The following VWDE variants were observed in gnomAD, a reference collection of about 807,000 sequenced individuals.
The protein encoded by VWDE is von Willebrand factor D and EGF domains, also known as von Willebrand factor D and EGF domain-containing protein.
In VWDE, 207 loss-of-function variants were observed where a neutral mutation model predicts 178.4. That is an observed-to-expected ratio of 1.16 (90% CI 1.04 to 1.30). VWDE has a LOEUF of 1.30. Ranked by LOEUF, VWDE falls within the 50% of genes most tolerant of loss-of-function variation. The pLI, the probability that VWDE is intolerant of heterozygous loss-of-function variation, is 0.00. For synonymous variants in VWDE, 738 were observed against 651.4 expected (o/e 1.13, Z -2.02); for missense variants, 2,287 against 1,901.3 (o/e 1.20, Z -3.77).
intron 28 of VWDE, among the ~76,000 whole-genome samples, chr7:12,332,989 G>C (rs75347616): frequency 0.038 from 5,841 of 152,268 alleles, 394 homozygotes; most frequent in African/African-American, 0.13. Context: ...GTATGAGAGA[G>C]AGAGAGATTA....
At chr7:12,354,823 T>C (rs920536908) in intron 18 of VWDE, among the ~76,000 whole-genome samples, 4 of 152,202 alleles carry the variant, frequency 2.6e-5, no homozygotes, top group Admixed American at 6.5e-5. Flanking sequence ...AGTCAGTAAT[T>C]TTTAAAAGTT....
intron 2 of VWDE, among the ~76,000 whole-genome samples, chr7:12,393,260 T>A (rs546059007): frequency 6.6e-6 from 1 of 152,288 alleles, no homozygotes; most frequent in South Asian, 2.1e-4. Flanking sequence ...AAACTCAGCT[T>A]TTTGACCTGC....
At position 12,361,255 on chromosome 7, in the gene VWDE, T is replaced by C; in HGVS notation, c.3055-4A>G. 1 of 1,540,320 alleles carries C rather than the reference T, an allele frequency of 6.5e-7. No homozygotes were observed. The highest frequency in any genetic ancestry group is 8.8e-7 in the Non-Finnish European group (1 of 1,138,554). On this transcript the variant is annotated splice_polypyrimidine_tract_variant and splice_region_variant and intron_variant, in intron 14 of 28. Coordinates refer to ENST00000275358, the MANE Select transcript of VWDE (RefSeq NM_001135924.3). Reference sequence around the variant, plus strand: ...ATTTATAACCATCATTAGATACCTGTAACATAATAGTTCTATAATAAGATG... The same window carrying C: ...ATTTATAACCATCATTAGATACCTGCAACATAATAGTTCTATAATAAGATG...
chr7:12,357,693 C>T (rs1583299391), intron 16 of VWDE, among the ~76,000 whole-genome samples, 178 bp from the exon 17 acceptor site: 2 of 151,624 alleles, frequency 1.3e-5, no homozygotes, highest in Admixed American at 6.6e-5. Context: ...TTCTTAGACA[C>T]ATGAAAGTAA....
chr7:12,341,578 G>A (rs1781332265), intron 23 of VWDE, among the ~76,000 whole-genome samples: 1 of 151,634 alleles, frequency 6.6e-6, no homozygotes, highest in Admixed American at 6.6e-5. Flanking sequence ...GTTACAGTGA[G>A]CCAAGATCGC....
rs890836246 is a variant in VWDE, at chr7:12,359,042, T to A, written c.3274+536A>T. 3.3e-5 allele frequency among the ~76,000 whole-genome samples: 5 copies of A among 152,258 alleles called. No homozygotes were observed. In the East Asian group the frequency reaches 9.7e-4, roughly 29 times the overall value. ...TCCTATTGTCTCTAATAATGTCTCA[T>A]CTCCCTGTGAGGGAAGAGAATTTGG... On this transcript the variant is annotated intron_variant, in intron 16 of 28. Transcript: ENST00000275358.
At chr7:12,352,332 G>A (rs1465402183) in intron 18 of VWDE, among the ~76,000 whole-genome samples, 1 of 152,092 alleles carries the variant, frequency 6.6e-6, no homozygotes, top group East Asian at 1.9e-4. Context: ...ATAACCTCAA[G>A]AATAACTGTG....
Position 12,373,147 on chromosome 7 carries a change from A to G in VWDE, c.1417T>C (p.Tyr473His), listed in dbSNP as rs1304880892. ...VRQWDCRSLH[Y>H]PVSCNCGFVA... is the part of the protein sequence containing the mutation. ...AACCCACAATTACATGACACTGGAT[A>G]GTGAAGGCTTCTGCAGTCCCACTGA... The change falls in exon 10 of 29, where the codon TAT becomes CAT. Residue 473 changes from tyrosine (Y) to histidine (H), a missense_variant. Physicochemically the swap from Tyr to His is moderately conservative, Grantham distance 83 (BLOSUM62 2). Transcript: ENST00000275358. 1 of 1,551,428 alleles carries G rather than the reference A, an allele frequency of 6.4e-7. No homozygotes were observed. The highest frequency in any genetic ancestry group is 2.4e-5 in the East Asian group (1 of 40,908).
intron 19 of VWDE, among the ~76,000 whole-genome samples, chr7:12,349,877 T>C (rs557764712): frequency 6.6e-6 from 1 of 152,120 alleles, no homozygotes; most frequent in South Asian, 2.1e-4. Flanking sequence ...TATACAAGAA[T>C]ACTACATGTA....
At chr7:12,396,646 G>A (rs933250168) in intron 1 of VWDE, among the ~76,000 whole-genome samples, 1 of 152,024 alleles carries the variant, frequency 6.6e-6, no homozygotes, top group Non-Finnish European at 1.5e-5. Flanking sequence ...GGTGACTCAC[G>A]CCTATAATTC....
intron 19 of VWDE, among the ~76,000 whole-genome samples, chr7:12,347,215 G>C (rs1013683636): frequency 1.3e-5 from 2 of 152,112 alleles, no homozygotes; most frequent in Non-Finnish European, 2.9e-5. Flanking sequence ...ACTCCTTCCA[G>C]AACCAAATTG....
intron 3 of VWDE, 146 bp from the exon 4 acceptor site, chr7:12,383,747 C>A (rs1783967404): frequency 1.5e-6 from 1 of 670,142 alleles, no homozygotes; most frequent in East Asian, 3.0e-5. Flanking sequence ...CATTTTTTTC[C>A]TTTTAAGGGT....
chr7:12,390,973 T>G (rs1254882313), intron 2 of VWDE, among the ~76,000 whole-genome samples: 9 of 152,166 alleles, frequency 5.9e-5, no homozygotes, highest in Non-Finnish European at 1.0e-4. Context: ...AGCAAAATCC[T>G]GAATGTCCAC....
At chr7:12,348,603 T>C (rs1290919141) in intron 19 of VWDE, among the ~76,000 whole-genome samples, 1 of 148,082 alleles carries the variant, frequency 6.8e-6, no homozygotes, top group African/African-American at 2.5e-5. Context: ...TGTGGAGAAA[T>C]AGGAACACTT....
chr7:12,393,996 T>C (rs899767591), intron 1 of VWDE, among the ~76,000 whole-genome samples: 4 of 152,198 alleles, frequency 2.6e-5, no homozygotes, highest in African/African-American at 2.4e-5. Context: ...CAAAACTCTT[T>C]AGAATGTACT....
At chr7:12,368,118 A>G (rs993749091) in intron 12 of VWDE, among the ~76,000 whole-genome samples, 1 of 151,564 alleles carries the variant, frequency 6.6e-6, no homozygotes, top group Non-Finnish European at 1.5e-5. Context: ...TACTTTCACA[A>G]ATTCAACAAA....
At position 12,393,601 on chromosome 7, in the gene VWDE, C is replaced by T. The variant is rs2128562596; in HGVS notation, c.236G>A (p.Cys79Tyr). The change falls in exon 2 of 29, where the codon TGT becomes TAT. Residue 79 changes from cysteine (C) to tyrosine (Y), a missense_variant. Coordinates refer to ENST00000275358, the MANE Select transcript of VWDE (RefSeq NM_001135924.3). ...CTTAGGGAGTTGACATACCTCAACACATTTGGTTGGCATCTCGGCAGGTCT... is the reference window on the plus strand; with the variant it reads ...CTTAGGGAGTTGACATACCTCAACATATTTGGTTGGCATCTCGGCAGGTCT... ...LDRPAEMPTK[C>Y]VEMNHCGTQA... 2 of 1,547,654 alleles carry T rather than the reference C, an allele frequency of 1.3e-6. No homozygotes were observed. The highest frequency in any genetic ancestry group is 4.9e-5 in the East Asian group (2 of 40,846).
At chr7:12,398,347 C>T (rs1488260990) in intron 1 of VWDE, among the ~76,000 whole-genome samples, 2 of 152,104 alleles carry the variant, frequency 1.3e-5, no homozygotes, top group Non-Finnish European at 2.9e-5. Context: ...ATCAGGCCTC[C>T]CAGATGGTAT....
intron 4 of VWDE, among the ~76,000 whole-genome samples, chr7:12,381,423 T>A (rs2128558867): frequency 6.6e-6 from 1 of 152,222 alleles, no homozygotes; most frequent in African/African-American, 2.4e-5. Context: ...AGTGGTAAAT[T>A]TTTAAAAGAA....
Sources: allele counts gnomAD v4.1 joint callset (sites outside exome capture counted in the v4.1 genomes callset), GRCh38; gene constraint gnomAD v4.1.1; transcripts MANE v1.5; gene names NCBI Gene and HGNC (gene_info 2026-07-23, HGNC 2026-07-21).